The following EPM2A variants were observed in gnomAD, a reference collection of about 807,000 sequenced individuals.
EPM2A encodes the protein EPM2A glucan phosphatase, laforin, also known as laforin.
A neutral mutation model predicts 26.5 loss-of-function variants in EPM2A; 21 were observed. That is an observed-to-expected ratio of 0.79 (90% CI 0.56 to 1.14). The LOEUF is 1.14. Among genes scored for constraint, EPM2A ranks in the 50% most tolerant of loss-of-function variants. The pLI is 0.00. For synonymous variants in EPM2A, 217 were observed against 177.6 expected (o/e 1.22, Z -1.76); for missense variants, 458 against 440.8 (o/e 1.04, Z -0.35).
chr6:145,634,242 T>C (rs994612430), intron 3 of EPM2A, among the ~76,000 whole-genome samples: 1 of 152,170 alleles, frequency 6.6e-6, no homozygotes, highest in African/African-American at 2.4e-5. Flanking sequence ...CTCTGCCGAC[T>C]GTAGTTATCT....
At chr6:145,676,084 C>A (rs1400539185) in intron 2 of EPM2A, among the ~76,000 whole-genome samples, 3 of 152,170 alleles carry the variant, frequency 2.0e-5, no homozygotes, top group Non-Finnish European at 1.5e-5. Context: ...GTCTCTCAGA[C>A]CACAGTGAAA....
Position 145,503,348 on chromosome 6 carries a change from C to T in EPM2A, c.341-773G>A, listed in dbSNP as rs202122777. Among the ~76,000 whole-genome samples the T allele has an allele frequency of 4.4e-3, 642 of 144,414 alleles. 5 individuals are homozygous for T. The highest frequency in any genetic ancestry group is 0.025 in the East Asian group (124 of 4,904). The allele number at this position is 144,414 out of a possible 152,430, so 94.7% of individuals were successfully genotyped here. A position where few individuals can be genotyped will look rare whatever the true frequency, so the allele number is the denominator to read the frequency against. ...TGATTGTTTATCTAGAAAACCCCAT[C>T]GTCTCAGCCCAAAATCTCCTTAAGC... On this transcript the variant is annotated intron_variant, in intron 2 of 3. Transcript: ENST00000450221.
At chr6:145,420,341 T>C (rs1031249028) in intron 4 of EPM2A, among the ~76,000 whole-genome samples, 1 of 152,164 alleles carries the variant, frequency 6.6e-6, no homozygotes, top group Non-Finnish European at 1.5e-5. Context: ...CTGCAAATTG[T>C]TCACCATATG....
chr6:145,671,407 C>T (rs187677100), intron 2 of EPM2A: 2 of 992,284 alleles, frequency 2.0e-6, no homozygotes, highest in Non-Finnish European at 2.4e-6. Flanking sequence ...GATCTGAAAG[C>T]AGAGAAGCTG....
chr6:145,535,937 G>GA (rs1582832829), intron 2 of EPM2A, among the ~76,000 whole-genome samples: 1 of 152,182 alleles, frequency 6.6e-6, no homozygotes, highest in African/African-American at 2.4e-5. Context: ...TAAGGTAGGG[G>GA]AAAAAATCCT....
intron 2 of EPM2A, among the ~76,000 whole-genome samples, chr6:145,677,953 A>G (rs963461980): frequency 3.3e-5 from 5 of 152,226 alleles, no homozygotes; most frequent in Non-Finnish European, 5.9e-5. Flanking sequence ...GGAACCAAAA[A>G]AGAGCCTGCA....
At chr6:145,541,282 T>C (rs1780506505) in intron 2 of EPM2A, among the ~76,000 whole-genome samples, 2 of 150,482 alleles carry the variant, frequency 1.3e-5, no homozygotes, top group Non-Finnish European at 3.0e-5. Flanking sequence ...TGTGTATATA[T>C]ATAAAAAACA....
chr6:145,676,447 G>A (rs1317722429), intron 2 of EPM2A, among the ~76,000 whole-genome samples: 1 of 152,094 alleles, frequency 6.6e-6, no homozygotes, highest in Non-Finnish European at 1.5e-5. Context: ...GAAGGAGATA[G>A]AGACACAAAA....
Position 145,388,486 on chromosome 6 carries a change from CT to C in EPM2A, c.556-4390del, listed in dbSNP as rs901799113. Among the ~76,000 whole-genome samples the C allele has an allele frequency of 7.3e-5, 11 of 151,396 alleles. No individual in the cohort carries two copies. The East Asian group carries it at 1.2e-3, about 16-fold the overall frequency. ...CCCCAGATAAAACCCAGACCAATTT[CT>C]TTTTTTTTATTGTGAGATTGATGCA... is the stretch of plus-strand genomic sequence containing the variant. On this transcript the variant is annotated intron_variant, in intron 4 of 4. Transcript: ENST00000638717.
intron 2 of EPM2A, among the ~76,000 whole-genome samples, chr6:145,543,912 G>A (rs1226334112): frequency 6.6e-6 from 1 of 152,158 alleles, no homozygotes; most frequent in Non-Finnish European, 1.5e-5. Context: ...TTGAACGTGG[G>A]GAGCCAAAAT....
chr6:145,515,323 G>T (rs1016798153), intron 2 of EPM2A, among the ~76,000 whole-genome samples: 1 of 152,138 alleles, frequency 6.6e-6, no homozygotes, highest in African/African-American at 2.4e-5. Context: ...ATCTTACTTG[G>T]TCTGTGTAAA....
chr6:145,704,711 T>C (rs556798104), intron 1 of EPM2A, among the ~76,000 whole-genome samples: 6 of 152,282 alleles, frequency 3.9e-5, no homozygotes, highest in African/African-American at 1.4e-4. Flanking sequence ...AATATTGTAC[T>C]TCATAGAGGA....
chr6:145,559,673 T>C (rs1780777977), intron 2 of EPM2A, among the ~76,000 whole-genome samples: 1 of 30,572 alleles, frequency 3.3e-5, no homozygotes, highest in East Asian at 8.3e-4. Context: ...TACTTTCTCC[T>C]TTTTTTTTTT....
intron 1 of EPM2A, among the ~76,000 whole-genome samples, chr6:145,701,954 T>C (rs375668371): frequency 2.7e-4 from 41 of 152,334 alleles, no homozygotes; most frequent in African/African-American, 7.9e-4. Flanking sequence ...GTTATTTGTC[T>C]AGTTCTTGAT....
chr6:145,448,357 A>G (rs1562338702), intron 4 of EPM2A, among the ~76,000 whole-genome samples: 1 of 152,116 alleles, frequency 6.6e-6, no homozygotes, highest in Admixed American at 6.5e-5. Context: ...CATGGAGACT[A>G]CACTGGGAAA....
chr6:145,646,303 C>T (rs538979668), intron 2 of EPM2A, among the ~76,000 whole-genome samples: 10 of 152,010 alleles, frequency 6.6e-5, no homozygotes, highest in Non-Finnish European at 8.8e-5. Flanking sequence ...ATTACAGGCA[C>T]GTGCCACCAC....
intron 2 of EPM2A, among the ~76,000 whole-genome samples, chr6:145,552,615 T>C (rs1780671005): frequency 6.6e-6 from 1 of 152,082 alleles, no homozygotes; most frequent in Non-Finnish European, 1.5e-5. Flanking sequence ...AGATAGAAGA[T>C]TTGACATGTA....
intron 2 of EPM2A, among the ~76,000 whole-genome samples, chr6:145,537,073 C>T (rs1780442144): frequency 6.6e-6 from 1 of 152,132 alleles, no homozygotes; most frequent in Non-Finnish European, 1.5e-5. Flanking sequence ...GGGAAGCCAT[C>T]AGCTATTAAT....
At chr6:145,509,355 T>A (rs550999241) in intron 2 of EPM2A, among the ~76,000 whole-genome samples, 1 of 152,214 alleles carries the variant, frequency 6.6e-6, no homozygotes, top group South Asian at 2.1e-4. Context: ...GGCCATATTA[T>A]CCTTAAAGGG....
Sources: gnomAD v4.1 joint callset for allele counts (sites outside exome capture counted in the v4.1 genomes callset) on GRCh38, gnomAD v4.1.1 for gene constraint, MANE v1.5 for transcripts, NCBI Gene and HGNC (gene_info 2026-07-23, HGNC 2026-07-21) for gene names.